VPS72: variants seen among roughly 807,000 people sequenced by gnomAD.
VPS72 encodes vacuolar protein sorting 72 homolog, also known as vacuolar protein sorting-associated protein 72 homolog.
Under a neutral mutation model 38.9 loss-of-function variants are expected in VPS72, and 27 were observed. The observed-to-expected ratio is 0.69, with a 90% CI of 0.51 to 0.96. The LOEUF (loss-of-function observed/expected upper bound fraction) is 0.96, where lower values mean the gene tolerates loss of function less well. Among genes scored for constraint, VPS72 ranks in the 40% least tolerant of loss-of-function variants. The pLI is 0.00. For missense variants in VPS72, 360 were observed against 479.5 expected (o/e 0.75, Z 2.33); for synonymous variants, 173 against 186.3 (o/e 0.93, Z 0.58).
At chr1:151,184,763 T>C (rs1490167687) in intron 3 of VPS72, among the ~76,000 whole-genome samples, 1 of 151,888 alleles carries the variant, frequency 6.6e-6, no homozygotes, top group Non-Finnish European at 1.5e-5. Context: ...TTTTTTGTAT[T>C]TTTAGTAGAG....
intron 1 of VPS72, among the ~76,000 whole-genome samples, chr1:151,187,337 A>G (rs888039459): frequency 7.2e-5 from 11 of 152,228 alleles, no homozygotes; most frequent in African/African-American, 2.7e-4. Context: ...TGCCAAAGCA[A>G]GCAAATAACA....
intron 1 of VPS72, among the ~76,000 whole-genome samples, chr1:151,186,520 C>T (rs1023736025): frequency 6.6e-6 from 1 of 150,780 alleles, no homozygotes; most frequent in African/African-American, 2.4e-5. Flanking sequence ...GATAGTGCCA[C>T]TGCACTCCAG....
rs368451317 is a variant in VPS72 at position 151,177,489 on chromosome 1, GTGAC to G, written c.708-462_708-459del. On this transcript the variant is annotated intron_variant, in intron 5 of 5. Transcript: ENST00000368892. The stretch of plus-strand genomic sequence containing the variant: ...GGGAACATTCTGAGGAACGTACTAA[GTGAC>G]TGATGGGAAAAGAAAGCTAGGCTAG... Among the ~76,000 whole-genome samples, 104 of 152,062 alleles carry G rather than the reference GTGAC, an allele frequency of 6.8e-4. 1 individual carries two copies. The East Asian group carries it at 0.019, about 27-fold the overall frequency.
At chr1:151,184,580 A>ATT (rs966822975) in intron 3 of VPS72, 87 bp from the exon 4 acceptor site, 1 of 1,336,274 alleles carries the variant, frequency 7.5e-7, no homozygotes, top group Admixed American at 2.9e-5. Flanking sequence ...CTTGGAAATA[A>ATT]TTTTTTTTTC....
chr1:151,186,594 A>G (rs972247113), intron 1 of VPS72, among the ~76,000 whole-genome samples: 1 of 152,110 alleles, frequency 6.6e-6, no homozygotes, highest in African/African-American at 2.4e-5. Context: ...AAGAGGACTT[A>G]AACTATGATT....
intron 1 of VPS72, 22 bp from the exon 2 acceptor site, chr1:151,185,972 G>T (rs755460432): frequency 6.2e-7 from 1 of 1,611,958 alleles, no homozygotes; most frequent in South Asian, 1.1e-5. Flanking sequence ...GGGAGATAAG[G>T]GTTGGCTGGC....
intron 1 of VPS72, among the ~76,000 whole-genome samples, chr1:151,188,683 T>A (rs1016081754): frequency 6.6e-6 from 1 of 152,206 alleles, no homozygotes; most frequent in African/African-American, 2.4e-5. Flanking sequence ...ACCTTTCTCC[T>A]TCTCCTGCTT....
At chr1:151,180,577 A>G (rs1470898948) in intron 4 of VPS72, among the ~76,000 whole-genome samples, 1 of 151,944 alleles carries the variant, frequency 6.6e-6, no homozygotes, top group Non-Finnish European at 1.5e-5. Context: ...AGCAGGGACT[A>G]TAGGCACGTG....
chr1:151,183,353 C>T (rs866755619), intron 4 of VPS72, among the ~76,000 whole-genome samples: 3 of 122,690 alleles, frequency 2.4e-5, no homozygotes, highest in Non-Finnish European at 3.2e-5. Context: ...GCTCAGGAGG[C>T]GGAGCTTGCA....
At position 151,184,396 on chromosome 1, in the gene VPS72, G is replaced by A; in HGVS notation, c.483C>T (p.Pro161=). The A allele has an allele frequency of 6.2e-7, 1 of 1,614,052 alleles. No homozygotes were observed. The highest frequency in any genetic ancestry group is 8.5e-7 in the Non-Finnish European group (1 of 1,180,032). ...CCTGGGTTAGTGGCCGCTCACAGTG[G>A]GGCCCCTTTCGCCGTCTTGACTGGC... The part of the protein sequence containing the change: ...RQGQSRRRKG[P]HCERPLTQEE... The change falls in exon 4 of 6, where the codon CCC becomes CCT. Residue 161 remains proline (P), a synonymous_variant. Coordinates refer to ENST00000368892, the MANE Select transcript of VPS72 (RefSeq NM_005997.3).
intron 1 of VPS72, among the ~76,000 whole-genome samples, chr1:151,189,270 G>A (rs1197847464): frequency 6.6e-6 from 1 of 152,128 alleles, no homozygotes; most frequent in Non-Finnish European, 1.5e-5. Flanking sequence ...TATTACCGAT[G>A]GCATGCTCTG....
intron 4 of VPS72, among the ~76,000 whole-genome samples, chr1:151,183,195 G>C (rs1230382325): frequency 2.0e-5 from 3 of 151,922 alleles, no homozygotes; most frequent in Non-Finnish European, 4.4e-5. Context: ...GGTGAGGCGG[G>C]TGGATCACCT....
At position 151,190,167 on chromosome 1, in the gene VPS72, C is replaced by T. The variant is rs1460247818; in HGVS notation, c.-46G>A. ...CGCCACCTGCAGCCCCTCACCAGCT[C>T]GGTTTTGGGAGCTCGACGCTCGACA... is the stretch of plus-strand genomic sequence containing the variant. On this transcript the variant is annotated 5_prime_UTR_variant, in exon 1 of 6. Transcript: ENST00000368892. The T allele has an allele frequency of 1.9e-6, 3 of 1,603,006 alleles. No homozygotes were observed. The highest frequency in any genetic ancestry group is 4.5e-5 in the East Asian group (2 of 44,824).
At chr1:151,181,374 G>GC (rs918581821) in intron 4 of VPS72, among the ~76,000 whole-genome samples, 3 of 151,742 alleles carry the variant, frequency 2.0e-5, no homozygotes, top group African/African-American at 7.3e-5. Flanking sequence ...CCCCCGAGTA[G>GC]CCAGGACTAC....
chr1:151,177,268 AC>A (rs1684132717), intron 5 of VPS72, among the ~76,000 whole-genome samples: 1 of 151,812 alleles, frequency 6.6e-6, no homozygotes, highest in South Asian at 2.1e-4. Context: ...GCCTGTAATC[AC>A]AGCTACTCAG....
At chr1:151,186,945 A>G (rs986795440) in intron 1 of VPS72, among the ~76,000 whole-genome samples, 1 of 152,182 alleles carries the variant, frequency 6.6e-6, no homozygotes, top group Non-Finnish European at 1.5e-5. Flanking sequence ...TTTCCCTACC[A>G]TTGATAATCA....
chr1:151,179,593 C>T (rs1242251877), intron 4 of VPS72, among the ~76,000 whole-genome samples: 1 of 150,298 alleles, frequency 6.7e-6, no homozygotes, highest in African/African-American at 2.5e-5. Flanking sequence ...AGTGAGACTC[C>T]GTCTCAAAAA....
intron 5 of VPS72, among the ~76,000 whole-genome samples, chr1:151,177,316 C>A (rs1319308475): frequency 6.8e-6 from 1 of 147,090 alleles, no homozygotes; most frequent in Non-Finnish European, 1.5e-5. Context: ...AGCCAGGAGG[C>A]GGAGGTTGCA....
At chr1:151,184,201 T>A in intron 4 of VPS72, 116 bp downstream of exon 4, 1 of 1,392,608 alleles carries the variant, frequency 7.2e-7, no homozygotes, top group South Asian at 1.4e-5. Context: ...CATTTCTTCC[T>A]TCTGATTCCA....
Sources: allele counts gnomAD v4.1 joint callset (sites outside exome capture counted in the v4.1 genomes callset), GRCh38; gene constraint gnomAD v4.1.1; transcripts MANE v1.5; gene names NCBI Gene and HGNC (gene_info 2026-07-23, HGNC 2026-07-21).